SPRYD4: variants seen among roughly 807,000 people sequenced by gnomAD.
SPRYD4 encodes SPRY domain-containing protein 4.
In SPRYD4, 12 loss-of-function variants were observed where a neutral mutation model predicts 16.6. The observed-to-expected ratio is 0.72, with a 90% confidence interval of 0.46 to 1.17. The LOEUF is 1.17. Ranked by LOEUF, SPRYD4 falls within the 50% of genes most tolerant of loss-of-function variation. The pLI is 0.00. For synonymous variants in SPRYD4, 98 were observed against 105.4 expected (o/e 0.93, Z 0.43); for missense variants, 260 against 260.2 (o/e 1.00, Z 0.00).
chr12:56,475,090 G>C lies in SPRYD4; in HGVS notation c.*5513G>C. On this transcript the variant is annotated 3_prime_UTR_variant, in exon 2 of 2. Coordinates refer to ENST00000338146, the MANE Select transcript of SPRYD4 (RefSeq NM_207344.4). ...GCCGATGGCATAATTCCGATCCCCTGTTTCCTTCTCTGACTGGAATCTGAA... is the reference window on the plus strand; with the variant it reads ...GCCGATGGCATAATTCCGATCCCCTCTTTCCTTCTCTGACTGGAATCTGAA... 1 of 1,614,070 alleles carries C rather than the reference G, an allele frequency of 6.2e-7. No homozygotes were observed. The highest frequency in any genetic ancestry group is 1.1e-5 in the South Asian group (1 of 91,084).
chr12:56,474,798 CA>C lies in SPRYD4; in HGVS notation c.*5223del, dbSNP rs1869648842. On this transcript the variant is annotated 3_prime_UTR_variant, in exon 2 of 2. Coordinates refer to ENST00000338146, the MANE Select transcript of SPRYD4 (RefSeq NM_207344.4). ...CTCGGGTGTAGGGAAAGGGCAAGGG[CA>C]AGGACAGTCTGTCCTGTTCCCTCGG... 1.2e-6 allele frequency: 2 copies of C among 1,612,964 alleles called. No individual in the cohort carries two copies. Among genetic ancestry groups the C allele is most frequent in the East Asian group, 4.5e-5 (2 of 44,798 alleles).
chr12:56,478,041 G>A lies in SPRYD4; in HGVS notation c.*8464G>A. The A allele has an allele frequency of 6.2e-7, 1 of 1,614,256 alleles. No homozygotes were observed. Among genetic ancestry groups the A allele is most frequent in the South Asian group, 1.1e-5 (1 of 91,090 alleles). ...GTGCTTATGGAGATGGCATAGGTGA[G>A]GGGCTTCACACAGGACTGCAGGCAG... On this transcript the variant is annotated 3_prime_UTR_variant, in exon 2 of 2. Coordinates refer to ENST00000338146, the MANE Select transcript of SPRYD4 (RefSeq NM_207344.4).
Position 56,475,528 on chromosome 12 carries a change from C to G in SPRYD4, c.*5951C>G, listed in dbSNP as rs1360568127. ...CAAAGTTCCCCTGGGATTTCTTCCT[C>G]CTAAGATTCTCTCTCCCCCATTCCT... is the stretch of plus-strand genomic sequence containing the variant. On this transcript the variant is annotated 3_prime_UTR_variant, in exon 2 of 2. Coordinates refer to ENST00000338146, the MANE Select transcript of SPRYD4 (RefSeq NM_207344.4). 1.5e-6 allele frequency: 2 copies of G among 1,304,148 alleles called. No individual in the cohort carries two copies. The highest frequency in any genetic ancestry group is 2.3e-5 in the East Asian group (1 of 43,186). The allele number at this position is 1,304,148 out of a possible 1,614,324, so 80.8% of individuals were successfully genotyped here. A position where few individuals can be genotyped will look rare whatever the true frequency, so the allele number is the denominator to read the frequency against.
Position 56,473,537 on chromosome 12 carries a change from C to T in SPRYD4, c.*3960C>T. The T allele has an allele frequency of 6.2e-7, 1 of 1,613,580 alleles. No homozygotes were observed. The highest frequency in any genetic ancestry group is 8.5e-7 in the Non-Finnish European group (1 of 1,180,020). ...GGTGACAGGCACATCATTCCCATGA[C>T]ATTGGGTACCACCAGGAGGATGGCT... On this transcript the variant is annotated 3_prime_UTR_variant, in exon 2 of 2. Coordinates refer to ENST00000338146, the MANE Select transcript of SPRYD4 (RefSeq NM_207344.4).
rs374503979 is a variant in SPRYD4, at chr12:56,476,061, G to C, written c.*6484G>C. The C allele has an allele frequency of 5.2e-6, 7 of 1,346,210 alleles. No homozygotes were observed. The highest frequency in any genetic ancestry group is 7.4e-6 in the Non-Finnish European group (7 of 950,758). 83.4% of individuals were successfully genotyped at this position (1,346,210 alleles called of 1,614,324 possible). ...GTCAGAAGGATCTAGTGGAGTTCTA[G>C]TGTTAGTCTGGTCCTGCTGCTGCAA... On this transcript the variant is annotated 3_prime_UTR_variant, in exon 2 of 2. Transcript: ENST00000338146.
Position 56,472,205 on chromosome 12 carries a change from G to C in SPRYD4, c.*2628G>C. On this transcript the variant is annotated 3_prime_UTR_variant, in exon 2 of 2. Transcript: ENST00000338146. ...GGCTGACAAGGCAAACCTGAGGGTA[G>C]TGGGAAAGCAGCTAGAGTTGCCTAG... 6.2e-7 allele frequency: 1 copy of C among 1,613,914 alleles called. No homozygotes were observed. The highest frequency in any genetic ancestry group is 8.5e-7 in the Non-Finnish European group (1 of 1,179,778).
chr12:56,475,810 C>A lies in SPRYD4; in HGVS notation c.*6233C>A. 2 of 1,408,532 alleles carry A rather than the reference C, an allele frequency of 1.4e-6. No individual in the cohort carries two copies. The highest frequency in any genetic ancestry group is 2.0e-6 in the Non-Finnish European group (2 of 998,072). The allele number at this position is 1,408,532 out of a possible 1,614,324, so 87.3% of individuals were successfully genotyped here. A position where few individuals can be genotyped will look rare whatever the true frequency, so the allele number is the denominator to read the frequency against. ...TTTCCTCTCTGAGGCCAGCAGATTTCCACATTTCTGGAAATAAGGCTTCTA... is the reference window on the plus strand; with the variant it reads ...TTTCCTCTCTGAGGCCAGCAGATTTACACATTTCTGGAAATAAGGCTTCTA... On this transcript the variant is annotated 3_prime_UTR_variant, in exon 2 of 2. Transcript: ENST00000338146.
chr12:56,473,689 C>T lies in SPRYD4; in HGVS notation c.*4112C>T. 1 of 1,449,406 alleles carries T rather than the reference C, an allele frequency of 6.9e-7. No homozygotes were observed. Among genetic ancestry groups the T allele is most frequent in the South Asian group, 1.5e-5 (1 of 67,538 alleles). 89.8% of individuals were successfully genotyped at this position (1,449,406 alleles called of 1,614,324 possible). The stretch of plus-strand genomic sequence containing the variant: ...GTACTCTTAACAAGTTTACAAATGA[C>T]TGCATGACCACAATCCACCTCAACC... On this transcript the variant is annotated 3_prime_UTR_variant, in exon 2 of 2. Coordinates refer to ENST00000338146, the MANE Select transcript of SPRYD4 (RefSeq NM_207344.4).
At position 56,469,777 on chromosome 12, in the gene SPRYD4, A is replaced by C. The variant is rs550709479; in HGVS notation, c.*200A>C. On this transcript the variant is annotated 3_prime_UTR_variant, in exon 2 of 2. Coordinates refer to ENST00000338146, the MANE Select transcript of SPRYD4 (RefSeq NM_207344.4). ...AGCCAAACCCTCCTTTTCCCCACCC[A>C]CCAACTACTGCCAATTTCCTAGGCT... is the stretch of plus-strand genomic sequence containing the variant. The C allele has an allele frequency of 4.5e-4, 234 of 517,912 alleles. No individual in the cohort carries two copies. In the East Asian group the frequency reaches 7.4e-3, roughly 16 times the overall value. 32.1% of individuals were successfully genotyped at this position (517,912 alleles called of 1,614,324 possible).
In SPRYD4 at chr12:56,468,971, T is replaced by C. The variant is rs1424883965; in HGVS notation, c.86-68T>C. On this transcript the variant is annotated intron_variant, in intron 1 of 1. Coordinates refer to ENST00000338146, the MANE Select transcript of SPRYD4 (RefSeq NM_207344.4). ...GTGTATCATGGCTGCCTGCCTCATA[T>C]CTGAATATATCACCAGCCCTAGGGT... 3 of 1,502,078 alleles carry C rather than the reference T, an allele frequency of 2.0e-6. No individual in the cohort carries two copies. In the African/African-American group the frequency reaches 4.2e-5, roughly 21 times the overall value. 93.0% of individuals were successfully genotyped at this position (1,502,078 alleles called of 1,614,324 possible). A position where few individuals can be genotyped will look rare whatever the true frequency, so the allele number is the denominator to read the frequency against.
chr12:56,475,274 C>A lies in SPRYD4; in HGVS notation c.*5697C>A. ...ATTAGAGGAAATTTCTGAACCTGAG[C>A]AAACACTCAGCATAGTTTTGTTATA... On this transcript the variant is annotated 3_prime_UTR_variant, in exon 2 of 2. Transcript: ENST00000338146. 6.6e-7 allele frequency: 1 copy of A among 1,519,120 alleles called. No homozygotes were observed. Among genetic ancestry groups the A allele is most frequent in the Non-Finnish European group, 8.9e-7 (1 of 1,127,056 alleles). The allele number at this position is 1,519,120 out of a possible 1,614,324, so 94.1% of individuals were successfully genotyped here. A position where few individuals can be genotyped will look rare whatever the true frequency, so the allele number is the denominator to read the frequency against.
rs1365740044 is a variant in SPRYD4, at chr12:56,475,313, C to T, written c.*5736C>T. On this transcript the variant is annotated 3_prime_UTR_variant, in exon 2 of 2. Transcript: ENST00000338146. ...AGTTTTGTTATAAAGTAAACCCAAA[C>T]CAAACACCCCAAACTGTCTAGTCAT... The T allele has an allele frequency of 3.0e-6, 4 of 1,312,000 alleles. No individual in the cohort carries two copies. In the East Asian group the frequency reaches 1.0e-4, roughly 33 times the overall value. The allele number at this position is 1,312,000 out of a possible 1,614,324, so 81.3% of individuals were successfully genotyped here. A position where few individuals can be genotyped will look rare whatever the true frequency, so the allele number is the denominator to read the frequency against.
At position 56,469,223 on chromosome 12, in the gene SPRYD4, G is replaced by C; in HGVS notation, c.270G>C (p.Trp90Cys). Residue 90 changes from tryptophan to cysteine, a missense_variant, in exon 2 of 2, where the codon TGG becomes TGC. Coordinates refer to ENST00000338146, the MANE Select transcript of SPRYD4 (RefSeq NM_207344.4). ...CGGTCACCAGTGGCAGACACTACTG[G>C]GAAGTGACAGTGAAGCGCTCCCAGC... ...DTAVTSGRHY[W>C]EVTVKRSQQF... 1 of 1,614,096 alleles carries C rather than the reference G, an allele frequency of 6.2e-7. No individual in the cohort carries two copies. Among genetic ancestry groups the C allele is most frequent in the Non-Finnish European group, 8.5e-7 (1 of 1,179,972 alleles).
Position 56,471,878 on chromosome 12 carries a change from T to C in SPRYD4, c.*2301T>C. On this transcript the variant is annotated 3_prime_UTR_variant, in exon 2 of 2. Transcript: ENST00000338146. ...AAGGAAAATGAGAAGGCGCAGGTCT[T>C]GAACCCTTTGGTGCAGACACTTAGC... 6.3e-7 allele frequency: 1 copy of C among 1,596,606 alleles called. No individual in the cohort carries two copies.
rs1435585937 is a variant in SPRYD4 at position 56,471,662 on chromosome 12, T to C, written c.*2085T>C. 5.6e-6 allele frequency: 9 copies of C among 1,613,712 alleles called. No homozygotes were observed. Among genetic ancestry groups the C allele is most frequent in the Non-Finnish European group, 7.6e-6 (9 of 1,179,682 alleles). On this transcript the variant is annotated 3_prime_UTR_variant, in exon 2 of 2. Coordinates refer to ENST00000338146, the MANE Select transcript of SPRYD4 (RefSeq NM_207344.4). The stretch of plus-strand genomic sequence containing the variant: ...GCCCCACCTGAGAGGAATAATGATA[T>C]GATCAGGCAAAGGAGACGTGGAGAG...
Position 56,474,421 on chromosome 12 carries a change from G to T in SPRYD4, c.*4844G>T. 8.4e-7 allele frequency: 1 copy of T among 1,196,122 alleles called. No individual in the cohort carries two copies. The highest frequency in any genetic ancestry group is 1.2e-6 in the Non-Finnish European group (1 of 851,062). The allele number at this position is 1,196,122 out of a possible 1,614,324, so 74.1% of individuals were successfully genotyped here. Reference sequence around the variant, plus strand: ...TCGTCTAAGGAGTCTCAACCTAATTGCCTTCCTGGAAGTTAGTGAATGAGA... The same window carrying T: ...TCGTCTAAGGAGTCTCAACCTAATTTCCTTCCTGGAAGTTAGTGAATGAGA... On this transcript the variant is annotated 3_prime_UTR_variant, in exon 2 of 2. Transcript: ENST00000338146.
rs1330949679 is a variant in SPRYD4 at position 56,472,262 on chromosome 12, A to G, written c.*2685A>G. Reference sequence around the variant, plus strand: ...CTGGAATCACAGGTGTTCTTTGTGAACTGGTGTCAGACTGGATGAGTTTCA... The same window carrying G: ...CTGGAATCACAGGTGTTCTTTGTGAGCTGGTGTCAGACTGGATGAGTTTCA... On this transcript the variant is annotated 3_prime_UTR_variant, in exon 2 of 2. Coordinates refer to ENST00000338146, the MANE Select transcript of SPRYD4 (RefSeq NM_207344.4). The G allele has an allele frequency of 9.9e-6, 14 of 1,415,872 alleles. No individual in the cohort carries two copies. The highest frequency in any genetic ancestry group is 1.3e-5 in the Non-Finnish European group (13 of 1,001,386). 87.7% of individuals were successfully genotyped at this position (1,415,872 alleles called of 1,614,324 possible). A position where few individuals can be genotyped will look rare whatever the true frequency, so the allele number is the denominator to read the frequency against.
At position 56,477,668 on chromosome 12, in the gene SPRYD4, G is replaced by C. The variant is rs774046995; in HGVS notation, c.*8091G>C. On this transcript the variant is annotated 3_prime_UTR_variant, in exon 2 of 2. Coordinates refer to ENST00000338146, the MANE Select transcript of SPRYD4 (RefSeq NM_207344.4). ...GTTAAGGTGGCACTGACCTTGATCA[G>C]GGAGCTGACAACAATGGCACCAGCA... 6.2e-7 allele frequency: 1 copy of C among 1,613,466 alleles called. No individual in the cohort carries two copies. The highest frequency in any genetic ancestry group is 8.5e-7 in the Non-Finnish European group (1 of 1,179,740).
rs1231677439 is a variant in SPRYD4, at chr12:56,469,208, T to A, written c.255T>A (p.Ser85Arg). Residue 85 changes from serine to arginine, a missense_variant, in exon 2 of 2, where the codon AGT becomes AGA. By Grantham distance (110) the Ser-to-Arg change is moderately radical (BLOSUM62 -1). Coordinates refer to ENST00000338146, the MANE Select transcript of SPRYD4 (RefSeq NM_207344.4). ...AVVLADTAVT[S>R]GRHYWEVTVK... ...TGCTGGCAGACACAGCGGTCACCAG[T>A]GGCAGACACTACTGGGAAGTGACAG... 6.2e-7 allele frequency: 1 copy of A among 1,613,946 alleles called. No homozygotes were observed. The highest frequency in any genetic ancestry group is 1.3e-5 in the African/African-American group (1 of 74,872).
Sources: allele counts gnomAD v4.1 joint callset, GRCh38; gene constraint gnomAD v4.1.1; transcripts MANE v1.5; gene names NCBI Gene and HGNC (gene_info 2026-07-23, HGNC 2026-07-21).